IL1RL1: variants seen among roughly 807,000 people sequenced by gnomAD.
The protein encoded by IL1RL1 is interleukin 1 receptor like 1.
IL1RL1 carries 32 observed loss-of-function variants against 50.9 expected under a neutral mutation model. The observed-to-expected ratio is 0.63, with a 90% CI of 0.47 to 0.84. The LOEUF (loss-of-function observed/expected upper bound fraction) is 0.84, where lower values mean the gene tolerates loss of function less well. Among genes scored for constraint, IL1RL1 ranks in the 40% least tolerant of loss-of-function variants. IL1RL1 has a pLI of 0.00. For missense variants in IL1RL1, 773 were observed against 662.9 expected (o/e 1.17, Z -1.82); for synonymous variants, 275 against 236.0 (o/e 1.17, Z -1.51).
intron 1 of IL1RL1, among the ~76,000 whole-genome samples, chr2:102,319,596 A>G (rs1313392726): frequency 6.6e-6 from 1 of 152,228 alleles, no homozygotes; most frequent in Non-Finnish European, 1.5e-5. Context: ...CTAGTACACT[A>G]GGTGCCTATA....
chr2:102,339,080 C>A (rs751007623), intron 3 of IL1RL1, 33 bp downstream of exon 3: 6 of 1,487,892 alleles, frequency 4.0e-6, no homozygotes, highest in Non-Finnish European at 9.4e-7. Flanking sequence ...CTTCTTTCAC[C>A]CTGCTCCCCT....
intron 1 of IL1RL1, among the ~76,000 whole-genome samples, chr2:102,324,621 A>T (rs977916015): frequency 6.6e-6 from 1 of 152,202 alleles, no homozygotes; most frequent in African/African-American, 2.4e-5. Context: ...GGGGTGACAG[A>T]TGGCACCTGG....
intron 1 of IL1RL1, among the ~76,000 whole-genome samples, chr2:102,314,071 A>T (rs1441381547): frequency 6.6e-6 from 1 of 152,186 alleles, no homozygotes; most frequent in African/African-American, 2.4e-5. Flanking sequence ...CATCTTTAAA[A>T]TATTTGTGGG....
intron 1 of IL1RL1, among the ~76,000 whole-genome samples, chr2:102,319,487 C>A (rs1676775702): frequency 6.6e-6 from 1 of 152,146 alleles, no homozygotes; most frequent in Admixed American, 6.5e-5. Context: ...CACTTAAATA[C>A]ATTTGATGAG....
intron 1 of IL1RL1, among the ~76,000 whole-genome samples, chr2:102,329,626 T>C (rs1335556305): frequency 6.6e-6 from 1 of 151,958 alleles, no homozygotes; most frequent in African/African-American, 2.4e-5. Context: ...TACAATTAAC[T>C]CAAACAAATT....
At chr2:102,316,998 T>G (rs1453605003) in intron 1 of IL1RL1, among the ~76,000 whole-genome samples, 1 of 152,178 alleles carries the variant, frequency 6.6e-6, no homozygotes, top group East Asian at 1.9e-4. Flanking sequence ...TTGAATGATG[T>G]TTTCATGTAT....
At chr2:102,336,849 T>C (rs1325054868) in intron 1 of IL1RL1, among the ~76,000 whole-genome samples, 2 of 152,162 alleles carry the variant, frequency 1.3e-5, no homozygotes, top group Non-Finnish European at 2.9e-5. Flanking sequence ...CTCCCCCACC[T>C]TTGCTTTTGA....
At chr2:102,333,732 C>T (rs992242008) in intron 1 of IL1RL1, among the ~76,000 whole-genome samples, 20 of 152,078 alleles carry the variant, frequency 1.3e-4, no homozygotes, top group African/African-American at 4.8e-4. Flanking sequence ...TCATTCATCA[C>T]CCCCTACCCT....
chr2:102,346,171 C>A, intron 8 of IL1RL1: 1 of 460,684 alleles, frequency 2.2e-6, no homozygotes, highest in Non-Finnish European at 2.9e-6. Context: ...AGAACAAAAA[C>A]TTGAAAGGCC....
intron 1 of IL1RL1, among the ~76,000 whole-genome samples, chr2:102,317,376 T>TA (rs1676708992): frequency 6.6e-6 from 1 of 152,044 alleles, no homozygotes; most frequent in African/African-American, 2.4e-5. Context: ...TTCAGCAAAA[T>TA]ACTTTTTAAA....
chr2:102,330,375 G>T (rs1677142614), intron 1 of IL1RL1, among the ~76,000 whole-genome samples: 1 of 152,038 alleles, frequency 6.6e-6, no homozygotes, highest in Admixed American at 6.6e-5. Flanking sequence ...AGCATTAGGA[G>T]ATATACCTAA....
chr2:102,336,422 A>G (rs1677328869), intron 1 of IL1RL1, among the ~76,000 whole-genome samples: 1 of 152,228 alleles, frequency 6.6e-6, no homozygotes, highest in Non-Finnish European at 1.5e-5. Flanking sequence ...AAGAAAAGTT[A>G]GCTATTATCA....
intron 1 of IL1RL1, among the ~76,000 whole-genome samples, chr2:102,322,698 A>T (rs2104965101): frequency 6.6e-6 from 1 of 152,336 alleles, no homozygotes; most frequent in East Asian, 1.9e-4. Flanking sequence ...TTACATATTC[A>T]GTTGAATGAG....
Position 102,340,744 on chromosome 2 carries a change from G to C in IL1RL1, c.526G>C (p.Ala176Pro), listed in dbSNP as rs34225180. Residue 176 changes from alanine (A) to proline (P), a missense_variant, in exon 5 of 11, where the codon GCA becomes CCA. Coordinates refer to ENST00000233954, the MANE Select transcript of IL1RL1 (RefSeq NM_016232.5). ...LVIDNVMTED[A>P]GDYTCKFIHN... ...CATTGATAATGTGATGACTGAGGAC[G>C]CAGGTGATTACACCTGTAAATTTAT... The C allele has an allele frequency of 1.9e-6, 3 of 1,597,584 alleles. No individual in the cohort carries two copies. Among genetic ancestry groups the C allele is most frequent in the Middle Eastern group, 1.7e-4 (1 of 6,016 alleles).
downstream of IL1RL1, among the ~76,000 whole-genome samples, chr2:102,352,275 C>T (rs1677957559): frequency 6.7e-6 from 1 of 148,726 alleles, no homozygotes; most frequent in South Asian, 2.1e-4. Context: ...ACTAATCATT[C>T]GAGAGTAGAT....
chr2:102,318,874 A>G (rs1325815353), intron 1 of IL1RL1, among the ~76,000 whole-genome samples: 1 of 152,220 alleles, frequency 6.6e-6, no homozygotes, highest in Non-Finnish European at 1.5e-5. Flanking sequence ...ATAACAGCAT[A>G]AAGACATCAT....
At chr2:102,340,570 A>G (rs1341464395) in intron 4 of IL1RL1, 96 bp from the exon 5 acceptor site, 8 of 1,265,232 alleles carry the variant, frequency 6.3e-6, no homozygotes, top group Non-Finnish European at 8.9e-6. Context: ...CCCAGATTGC[A>G]CCACTCACTC....
chr2:102,313,847 A>G (rs1558621), intron 1 of IL1RL1, among the ~76,000 whole-genome samples: 81,434 of 152,080 alleles, frequency 0.54, 22,166 homozygotes, highest in Middle Eastern at 0.65. Context: ...GTGTGCGTGC[A>G]CTTGCATGCG....
chr2:102,336,378 C>A (rs1212381460), intron 1 of IL1RL1, among the ~76,000 whole-genome samples: 1 of 152,122 alleles, frequency 6.6e-6, no homozygotes, highest in Non-Finnish European at 1.5e-5. Flanking sequence ...ACATGTAAAT[C>A]ACTTAGACTG....
Sources: gnomAD v4.1 joint callset for allele counts (sites outside exome capture counted in the v4.1 genomes callset) on GRCh38, gnomAD v4.1.1 for gene constraint, MANE v1.5 for transcripts, NCBI Gene and HGNC (gene_info 2026-07-23, HGNC 2026-07-21) for gene names.